Variants in SLC26A8 observed in about 807,000 individuals in gnomAD.
The protein encoded by SLC26A8 is testis anion transporter 1.
A neutral mutation model predicts 105.0 loss-of-function variants in SLC26A8; 70 were observed. The observed-to-expected ratio is 0.67, with a 90% CI of 0.55 to 0.81. SLC26A8 has a LOEUF of 0.81. Among genes scored for constraint, SLC26A8 ranks in the 40% least tolerant of loss-of-function variants. The pLI, the probability that SLC26A8 is intolerant of heterozygous loss-of-function variation, is 0.00. For synonymous variants in SLC26A8, 415 were observed against 438.3 expected, an observed-to-expected ratio of 0.95 and a Z score of 0.66; for missense variants, 998 against 1,181.8, an observed-to-expected ratio of 0.84 and a Z score of 2.28.
chr6:35,970,119 T>G (rs1330605060), intron 10 of SLC26A8, among the ~76,000 whole-genome samples: 2 of 152,100 alleles, frequency 1.3e-5, no homozygotes, highest in Admixed American at 1.3e-4. Context: ...GGCAAAATTA[T>G]AACCACAAAT....
chr6:36,019,395 C>G lies in SLC26A8; in HGVS notation c.188+125G>C, dbSNP rs140325466. 1,369 of 1,042,252 alleles carry G rather than the reference C, an allele frequency of 1.3e-3. 13 individuals are homozygous for G. The African/African-American group carries it at 0.018, about 13-fold the overall frequency. The allele number at this position is 1,042,252 out of a possible 1,614,324, so 64.6% of individuals were successfully genotyped here. ...CACAAAAATGACTGAAGAAAAATTG[C>G]ACAATAAACTGCATGATTCTGATTA... On this transcript the variant is annotated intron_variant, in intron 2 of 19. Coordinates refer to ENST00000490799, the MANE Select transcript of SLC26A8 (RefSeq NM_052961.4).
chr6:35,961,002 C>A lies in SLC26A8; in HGVS notation c.1559G>T (p.Arg520Leu), dbSNP rs571951265. 1.2e-6 allele frequency: 2 copies of A among 1,613,976 alleles called. No individual in the cohort carries two copies. Among genetic ancestry groups the A allele is most frequent in the Non-Finnish European group, 1.7e-6 (2 of 1,179,986 alleles). ...VVSAFFITTVRSHRAKILLLG... is the reference protein window; with the variant it reads ...VVSAFFITTVLSHRAKILLLG... The stretch of plus-strand genomic sequence containing the variant: ...ACCTGAGACAAAGTACCTGTGTGAA[C>A]GAACAGTGGTGATGAAGAAAGCAGA... Residue 520 changes from arginine to leucine, a missense_variant, in exon 13 of 20, where the codon CGT becomes CTT. By Grantham distance (102) the Arg-to-Leu change is moderately radical. Transcript: ENST00000490799.
intron 7 of SLC26A8, among the ~76,000 whole-genome samples, chr6:35,988,840 G>GTTTTTTTTT (rs1562050002): frequency 7.3e-6 from 1 of 137,276 alleles, no homozygotes; most frequent in African/African-American, 2.7e-5. Flanking sequence ...AGTTCTATAC[G>GTTTTTTTTT]GTTTTTTTTT....
At chr6:35,989,751 A>C (rs1401429618) in intron 7 of SLC26A8, 1 of 152,164 alleles carries the variant, frequency 6.6e-6, no homozygotes, top group Non-Finnish European at 1.5e-5. Flanking sequence ...CTAGGACTAC[A>C]AGATAGGCAT....
chr6:36,010,536 C>CTTTTT (rs1173055463), intron 3 of SLC26A8, among the ~76,000 whole-genome samples: 12 of 118,276 alleles, frequency 1.0e-4, no homozygotes, highest in East Asian at 2.3e-4. Flanking sequence ...TATATGTATT[C>CTTTTT]TTTTTTTTTT....
chr6:36,002,546 A>T (rs1761552954), intron 3 of SLC26A8, among the ~76,000 whole-genome samples: 1 of 152,154 alleles, frequency 6.6e-6, no homozygotes, highest in Non-Finnish European at 1.5e-5. Flanking sequence ...TTTAGTGTGT[A>T]TGGTGGTAAC....
intron 3 of SLC26A8, among the ~76,000 whole-genome samples, chr6:36,000,318 C>T (rs1761484738): frequency 6.6e-6 from 1 of 152,114 alleles, no homozygotes; most frequent in Non-Finnish European, 1.5e-5. Context: ...CATGCTTTTA[C>T]ACTTTAATTC....
At chr6:35,992,981 T>A (rs1761220648) in intron 5 of SLC26A8, among the ~76,000 whole-genome samples, 1 of 151,996 alleles carries the variant, frequency 6.6e-6, no homozygotes, top group Non-Finnish European at 1.5e-5. Context: ...AGGGACAAGG[T>A]GATCAGAACA....
chr6:36,002,625 A>G (rs1047311689), intron 3 of SLC26A8, among the ~76,000 whole-genome samples: 3 of 151,794 alleles, frequency 2.0e-5, no homozygotes, highest in Admixed American at 6.6e-5. Context: ...ATTTTTATGG[A>G]TTTATAGGAG....
intron 1 of SLC26A8, among the ~76,000 whole-genome samples, chr6:36,021,571 G>A (rs570464507): frequency 2.0e-5 from 3 of 152,260 alleles, no homozygotes; most frequent in African/African-American, 7.2e-5. Flanking sequence ...GACCGTCAAG[G>A]AGTGGTGGGA....
chr6:36,012,733 G>A (rs992633556), intron 2 of SLC26A8, among the ~76,000 whole-genome samples: 2 of 152,184 alleles, frequency 1.3e-5, no homozygotes, highest in Admixed American at 6.5e-5. Flanking sequence ...AGCCATATAC[G>A]TCCAGCATGT....
chr6:36,024,442 C>T (rs1316053551), intron 1 of SLC26A8, 62 bp downstream of exon 1: 2 of 450,406 alleles, frequency 4.4e-6, no homozygotes, highest in South Asian at 1.6e-5. Flanking sequence ...CGGTGACGGA[C>T]GCAGCCCCCG....
rs75284295 is a variant in SLC26A8 at position 35,992,765 on chromosome 6, T to C, written c.628-91A>G. ...TCTCCAGGAAAAGAAGGGTTTCCAATAGAAAAGTTAAGATAGGCCCCTTTG... is the reference window on the plus strand; with the variant it reads ...TCTCCAGGAAAAGAAGGGTTTCCAACAGAAAAGTTAAGATAGGCCCCTTTG... On this transcript the variant is annotated intron_variant, in intron 5 of 19. Transcript: ENST00000490799. The C allele has an allele frequency of 8.1e-4, 1,109 of 1,373,282 alleles. 14 individuals are homozygous for C. The South Asian group carries it at 0.013, about 17-fold the overall frequency. 85.1% of individuals were successfully genotyped at this position (1,373,282 alleles called of 1,614,324 possible). A position where few individuals can be genotyped will look rare whatever the true frequency, so the allele number is the denominator to read the frequency against.
At chr6:36,012,671 G>T (rs1034230820) in intron 2 of SLC26A8, among the ~76,000 whole-genome samples, 11 of 152,162 alleles carry the variant, frequency 7.2e-5, no homozygotes, top group Admixed American at 7.2e-4. Context: ...TTCCCTGGGG[G>T]ACTAAATCAC....
intron 19 of SLC26A8, 73 bp from the exon 20 acceptor site, chr6:35,944,413 G>A: frequency 9.5e-7 from 1 of 1,052,794 alleles, no homozygotes; most frequent in East Asian, 2.4e-5. Context: ...GCTCATACCT[G>A]TAATCCCAGC....
chr6:35,944,959 C>T (rs1771613401), intron 19 of SLC26A8, among the ~76,000 whole-genome samples: 1 of 152,102 alleles, frequency 6.6e-6, no homozygotes, highest in Non-Finnish European at 1.5e-5. Context: ...AAGTGATTCT[C>T]TTGCCTCAGC....
intron 2 of SLC26A8, 42 bp downstream of exon 2, chr6:36,019,478 C>T (rs748893936): frequency 2.1e-5 from 33 of 1,588,462 alleles, no homozygotes; most frequent in Non-Finnish European, 2.8e-5. Flanking sequence ...AGGTTTCAGT[C>T]CTGCCCGGCT....
chr6:35,966,210 G>A (rs146462989), intron 11 of SLC26A8, among the ~76,000 whole-genome samples: 17 of 152,248 alleles, frequency 1.1e-4, no homozygotes, highest in African/African-American at 2.9e-4. Context: ...GTAGAGGAGC[G>A]AAAAGCAAAG....
At chr6:35,980,531 T>C (rs1193541806) in intron 8 of SLC26A8, among the ~76,000 whole-genome samples, 1 of 152,124 alleles carries the variant, frequency 6.6e-6, no homozygotes, top group Admixed American at 6.5e-5. Context: ...ATCCCACTGT[T>C]GTTCTTGTTA....
Sources: allele counts gnomAD v4.1 joint callset (sites outside exome capture counted in the v4.1 genomes callset), GRCh38; gene constraint gnomAD v4.1.1; transcripts MANE v1.5; gene names NCBI Gene and HGNC (gene_info 2026-07-23, HGNC 2026-07-21).